The following WDR83 variants were observed in gnomAD, a reference collection of about 807,000 sequenced individuals.
WDR83 encodes WD repeat domain-containing protein 83.
A neutral mutation model predicts 37.7 loss-of-function variants in WDR83; 37 were observed. That is an observed-to-expected ratio of 0.98 (90% CI 0.76 to 1.29). The LOEUF is 1.29. Among genes scored for constraint, WDR83 ranks in the 50% most tolerant of loss-of-function variants. The pLI is 0.00. For synonymous variants in WDR83, 174 were observed against 181.1 expected (o/e 0.96, Z 0.31); for missense variants, 445 against 414.4 (o/e 1.07, Z -0.64).
intron 10 of WDR83, among the ~76,000 whole-genome samples, chr19:12,674,009 G>A (rs952311497): frequency 3.2e-4 from 48 of 152,124 alleles, no homozygotes; most frequent in Admixed American, 3.1e-3. Context: ...TTGGGCTAGA[G>A]AGAAGATGAG....
At chr19:12,671,055 C>T (rs1203197434) in intron 7 of WDR83, 2 of 524,960 alleles carry the variant, frequency 3.8e-6, no homozygotes, top group African/African-American at 2.0e-5. Flanking sequence ...TGGCCGGGCA[C>T]GGTGGCTCAC....
chr19:12,669,957 C>A lies in WDR83; in HGVS notation c.104-20C>A. The A allele has an allele frequency of 6.2e-7, 1 of 1,605,354 alleles. No homozygotes were observed. The highest frequency in any genetic ancestry group is 8.5e-7 in the Non-Finnish European group (1 of 1,173,116). On this transcript the variant is annotated intron_variant, in intron 3 of 10. Transcript: ENST00000418543. ...CTCCTGAGATCGACGGCCCAGTAAC[C>A]CCCGCCTGGTGTTCCCCAGTGGATG...
rs776881206 is a variant in WDR83, at chr19:12,669,839, C to T, written c.49C>T (p.Arg17Trp). ...KPRPPELPQKRLKTLDCGQGA... is the reference protein window; with the variant it reads ...KPRPPELPQKWLKTLDCGQGA... Reference sequence around the variant, plus strand: ...GCGGCCTCCAGAGCTGCCGCAGAAACGGTTGAAGACGCTGGACTGCGGGCA... The same window carrying T: ...GCGGCCTCCAGAGCTGCCGCAGAAATGGTTGAAGACGCTGGACTGCGGGCA... Residue 17 changes from arginine to tryptophan, a missense_variant, in exon 3 of 11, where the codon CGG (arginine) becomes TGG (tryptophan). Coordinates refer to ENST00000418543, the MANE Select transcript of WDR83 (RefSeq NM_001099737.3). 3.7e-6 allele frequency: 6 copies of T among 1,612,086 alleles called. No individual in the cohort carries two copies. In the South Asian group the frequency reaches 5.5e-5, roughly 15 times the overall value.
rs372654623 is a variant in WDR83 at position 12,670,639 on chromosome 19, C to T, written c.379+28C>T. ...GAGTCTGGGGCCTAAGCACGGGGGC[C>T]CAGGGTGCTGCCCTCCCCCTCCAAA... is the stretch of plus-strand genomic sequence containing the variant. On this transcript the variant is annotated intron_variant, in intron 6 of 10. Transcript: ENST00000418543. 39 of 1,614,080 alleles carry T rather than the reference C, an allele frequency of 2.4e-5. No individual in the cohort carries two copies. In the African/African-American group the frequency reaches 4.3e-4, roughly 18 times the overall value.
In WDR83 at chr19:12,670,589, A is replaced by G; in HGVS notation, c.357A>G (p.Glu119=). The G allele has an allele frequency of 6.2e-7, 1 of 1,614,226 alleles. No individual in the cohort carries two copies. The highest frequency in any genetic ancestry group is 8.5e-7 in the Non-Finnish European group (1 of 1,180,046). The part of the protein sequence containing the change: ...AGKVNTVQFN[E]EATVILSGSI... Reference sequence around the variant, plus strand: ...AGGTGAACACGGTGCAGTTTAATGAAGAGGCCACAGTTATCCTGTCCGGTG... The same window carrying G: ...AGGTGAACACGGTGCAGTTTAATGAGGAGGCCACAGTTATCCTGTCCGGTG... The change falls in exon 6 of 11, where the codon GAA becomes GAG. Residue 119 remains glutamate, a synonymous_variant. Coordinates refer to ENST00000418543, the MANE Select transcript of WDR83 (RefSeq NM_001099737.3).
At chr19:12,669,450 G>A (rs768089145) in intron 2 of WDR83, 24 of 1,563,152 alleles carry the variant, frequency 1.5e-5, no homozygotes, top group Non-Finnish European at 2.1e-5. Context: ...AGGAATCGCA[G>A]CTTCCGGCGT....
rs960339612 is a variant in WDR83 at position 12,668,249 on chromosome 19, G to A, written c.-156-259G>A. The A allele has an allele frequency of 5.6e-5, 65 of 1,151,696 alleles. No homozygotes were observed. The South Asian group carries it at 7.2e-4, about 13-fold the overall frequency. The allele number at this position is 1,151,696 out of a possible 1,614,324, so 71.3% of individuals were successfully genotyped here. A position where few individuals can be genotyped will look rare whatever the true frequency, so the allele number is the denominator to read the frequency against. On this transcript the variant is annotated intron_variant, in intron 1 of 10. Coordinates refer to ENST00000418543, the MANE Select transcript of WDR83 (RefSeq NM_001099737.3). ...TCTATCCAGCTGGGGGCACCGAGAC[G>A]GCCTCATTCAGGGAAGTCCAGGATG...
chr19:12,675,480 C>T (rs1237546249), intron 10 of WDR83, 43 bp from the exon 11 acceptor site: 2 of 1,588,810 alleles, frequency 1.3e-6, no homozygotes, highest in South Asian at 1.1e-5. Flanking sequence ...AACCAGGGTA[C>T]AGCCCAGCCA....
In WDR83 at chr19:12,675,610, A is replaced by G; in HGVS notation, c.886A>G (p.Met296Val). 1 of 1,604,350 alleles carries G rather than the reference A, an allele frequency of 6.2e-7. No homozygotes were observed. Among genetic ancestry groups the G allele is most frequent in the Non-Finnish European group, 8.5e-7 (1 of 1,179,926 alleles). Residue 296 changes from methionine to valine, a missense_variant, in exon 11 of 11, where the codon ATG becomes GTG. Met to Val is a conservative substitution (Grantham distance 21). Coordinates refer to ENST00000418543, the MANE Select transcript of WDR83 (RefSeq NM_001099737.3). Reference sequence around the variant, plus strand: ...AACAGAGCCCTGCCTGCTGACCGCCATGGGAGGCAGCGTCCAGTGCTGGCG... The same window carrying G: ...AACAGAGCCCTGCCTGCTGACCGCCGTGGGAGGCAGCGTCCAGTGCTGGCG... ...HPTEPCLLTA[M>V]GGSVQCWREE...
chr19:12,671,604 A>G (rs35542154), intron 7 of WDR83, among the ~76,000 whole-genome samples: 40,520 of 151,458 alleles, frequency 0.27, 6,488 homozygotes, highest in Middle Eastern at 0.39. Flanking sequence ...GTGAGCCGAC[A>G]TCGCACCACT....
rs1182706177 is a variant in WDR83, at chr19:12,673,054, G to T, written c.621G>T (p.Leu207=). ...TCFSRDGQCT[L]VSSLDSTLRL... is the part of the protein sequence containing the mutation. ...TCAGCCGGGATGGGCAGTGCACCCT[G>T]GTGTCCAGCCTGGACTCCACATTGC... Residue 207 remains leucine, a synonymous_variant, in exon 9 of 11, where the codon CTG becomes CTT. Coordinates refer to ENST00000418543, the MANE Select transcript of WDR83 (RefSeq NM_001099737.3). The T allele has an allele frequency of 1.2e-6, 2 of 1,613,616 alleles. No individual in the cohort carries two copies. Among genetic ancestry groups the T allele is most frequent in the Non-Finnish European group, 1.7e-6 (2 of 1,179,748 alleles).
Position 12,675,823 on chromosome 19 carries a change from TG to T in WDR83, c.*154del, listed in dbSNP as rs770861818. 24 of 1,579,198 alleles carry T rather than the reference TG, an allele frequency of 1.5e-5. No homozygotes were observed. The highest frequency in any genetic ancestry group is 2.0e-5 in the Non-Finnish European group (23 of 1,160,968). On this transcript the variant is annotated 3_prime_UTR_variant, in exon 11 of 11. Transcript: ENST00000418543. The stretch of plus-strand genomic sequence containing the variant: ...AATAGAAGAGGGGGTAAGACCTTCC[TG>T]GGACCGCAGCCGCTCAGTCCTCGTT...
In WDR83 at chr19:12,668,626, A is replaced by G; in HGVS notation, c.-38A>G. On this transcript the variant is annotated splice_region_variant and 5_prime_UTR_variant, in exon 2 of 11. Coordinates refer to ENST00000418543, the MANE Select transcript of WDR83 (RefSeq NM_001099737.3). ...CAAGCACACCACTTCAGCTAGGGAA[A>G]GGTAAGTGGGTGGGCAGGTTAGTGA... 1 of 1,613,246 alleles carries G rather than the reference A, an allele frequency of 6.2e-7. No individual in the cohort carries two copies. Among genetic ancestry groups the G allele is most frequent in the Non-Finnish European group, 8.5e-7 (1 of 1,179,418 alleles).
intron 5 of WDR83, 133 bp downstream of exon 5, chr19:12,670,418 C>A: frequency 2.0e-6 from 3 of 1,503,258 alleles, no homozygotes; most frequent in Non-Finnish European, 2.7e-6. Context: ...GCATGCCAGG[C>A]TAGGCAGTCA....
chr19:12,669,699 C>G (rs959382178), intron 2 of WDR83, 56 bp from the exon 3 acceptor site: 1 of 1,335,360 alleles, frequency 7.5e-7, no homozygotes, highest in African/African-American at 1.5e-5. Flanking sequence ...TCAGGAAGAA[C>G]AATAATAAGG....
intron 10 of WDR83, among the ~76,000 whole-genome samples, chr19:12,673,990 G>A (rs141493591): frequency 2.4e-4 from 37 of 152,292 alleles, no homozygotes; most frequent in African/African-American, 7.7e-4. Context: ...CTGAGACACC[G>A]TGCCCAGCTT....
At chr19:12,671,729 C>T (rs1218755206) in intron 7 of WDR83, among the ~76,000 whole-genome samples, 5 of 152,190 alleles carry the variant, frequency 3.3e-5, no homozygotes. Flanking sequence ...GACGCAGTCT[C>T]GCTCTGTTGC....
intron 7 of WDR83, 154 bp downstream of exon 7, chr19:12,670,975 C>A: frequency 8.3e-7 from 1 of 1,199,228 alleles, no homozygotes; most frequent in Non-Finnish European, 1.1e-6. Flanking sequence ...TCACTTGAGT[C>A]CAAGAGTTCG....
Position 12,669,885 on chromosome 19 carries a change from G to C in WDR83, c.95G>C (p.Arg32Pro). 3 of 1,605,454 alleles carry C rather than the reference G, an allele frequency of 1.9e-6. No individual in the cohort carries two copies. Among genetic ancestry groups the C allele is most frequent in the Non-Finnish European group, 2.6e-6 (3 of 1,173,818 alleles). The change falls in exon 3 of 11, where the codon CGA (arginine) becomes CCA (proline). Residue 32 changes from arginine (R) to proline (P), a missense_variant. By Grantham distance (103) the Arg-to-Pro change is moderately radical (BLOSUM62 -2). Coordinates refer to ENST00000418543, the MANE Select transcript of WDR83 (RefSeq NM_001099737.3). Reference protein sequence around the residue: ...DCGQGAVRAVRFNVDGNYCLT... With the variant: ...DCGQGAVRAVPFNVDGNYCLT... The stretch of plus-strand genomic sequence containing the variant: ...GGGCAGGGGGCAGTGCGAGCCGTAC[G>C]ATTTAATGGTGAGCGCCTTCGTCTT...
Sources: gnomAD v4.1 joint callset for allele counts (sites outside exome capture counted in the v4.1 genomes callset) on GRCh38, gnomAD v4.1.1 for gene constraint, MANE v1.5 for transcripts, NCBI Gene and HGNC (gene_info 2026-07-23, HGNC 2026-07-21) for gene names.